Variants in SASH1 observed in about 807,000 individuals in gnomAD.
The protein encoded by SASH1 is SAM and SH3 domain-containing protein 1.
In SASH1, 44 loss-of-function variants were observed where a neutral mutation model predicts 125.2. The observed-to-expected ratio is 0.35, with a 90% CI of 0.28 to 0.45. The LOEUF is 0.45. Ranked by LOEUF, SASH1 falls within the 20% of genes least tolerant of loss-of-function variation. The pLI, the probability that SASH1 is intolerant of heterozygous loss-of-function variation, is 1.00. For synonymous variants in SASH1, 639 were observed against 649.1 expected, an observed-to-expected ratio of 0.98 and a Z score of 0.24; for missense variants, 1,426 against 1,614.5, an observed-to-expected ratio of 0.88 and a Z score of 2.00.
In SASH1 at chr6:148,548,656, A is replaced by G; in HGVS notation, c.*98A>G. The G allele has an allele frequency of 7.1e-7, 1 of 1,404,522 alleles. No homozygotes were observed. The highest frequency in any genetic ancestry group is 9.6e-7 in the Non-Finnish European group (1 of 1,044,460). 87.0% of individuals were successfully genotyped at this position (1,404,522 alleles called of 1,614,324 possible). A position where few individuals can be genotyped will look rare whatever the true frequency, so the allele number is the denominator to read the frequency against. ...CATCATCTCTGGACGTGCAGACCAG[A>G]TCCAGAAGAAAGGCCTGGCGTGTGG... is the stretch of plus-strand genomic sequence containing the variant. On this transcript the variant is annotated 3_prime_UTR_variant, in exon 20 of 20. Transcript: ENST00000367467.
At chr6:148,221,722 G>A in the SASH1 span, among the ~76,000 whole-genome samples, 3 of 152,118 alleles carry the variant, frequency 2.0e-5, no homozygotes, top group Non-Finnish European at 4.4e-5. Context: ...GGTGAGCTGC[G>A]GTGGTTGTGA....
chr6:148,353,095 G>T (rs1328781086), intron 1 of SASH1, among the ~76,000 whole-genome samples: 5 of 151,728 alleles, frequency 3.3e-5, no homozygotes, highest in Non-Finnish European at 7.4e-5. Flanking sequence ...CAGAGGCAGG[G>T]TCTCCCTGTG....
At chr6:148,195,663 G>A in the SASH1 span, among the ~76,000 whole-genome samples, 1 of 152,202 alleles carries the variant, frequency 6.6e-6, no homozygotes, top group African/African-American at 2.4e-5. Context: ...TCCCGTGAGA[G>A]AGCTAAGTCA....
intron 1 of SASH1, among the ~76,000 whole-genome samples, chr6:148,387,644 C>CT (rs766450836): frequency 2.0e-4 from 9 of 44,450 alleles, no homozygotes; most frequent in South Asian, 1.8e-3. Context: ...TTCTTTCTTT[C>CT]TTTCTTTCTT....
At chr6:148,363,315 A>AT (rs959362209) in intron 1 of SASH1, among the ~76,000 whole-genome samples, 3 of 150,658 alleles carry the variant, frequency 2.0e-5, no homozygotes, top group African/African-American at 7.3e-5. Flanking sequence ...TTATTTATTT[A>AT]TTTTTTTGTA....
intron 1 of SASH1, among the ~76,000 whole-genome samples, chr6:148,334,249 C>T (rs1182680495): frequency 1.4e-5 from 2 of 142,836 alleles, no homozygotes; most frequent in African/African-American, 2.6e-5. Context: ...ACGGTGAAAC[C>T]CTGTCTCTAC....
Position 148,277,727 on chromosome 6 carries a change from T to C in SASH1, n.74+5350T>C, listed in dbSNP as rs189488827. Among the ~76,000 whole-genome samples the C allele has an allele frequency of 4.5e-3, 681 of 152,366 alleles. 4 individuals are homozygous for C. Among genetic ancestry groups the C allele is most frequent in the Non-Finnish European group, 7.3e-3 (498 of 68,026 alleles). On this transcript the variant is annotated intron_variant and non_coding_transcript_variant, in intron 1 of 3. Transcript: ENST00000367469. ...AAATATGCAGGGTTTTGTTTTGTTT[T>C]GTCTTTTGAGACAGAGTCTTGCTCT...
intron 9 of SASH1, among the ~76,000 whole-genome samples, chr6:148,515,391 T>G (rs1010557697): frequency 6.6e-6 from 1 of 152,240 alleles, no homozygotes; most frequent in African/African-American, 2.4e-5. Context: ...TCAAGCCATG[T>G]AAAGAAATGA....
At chr6:148,223,800 T>A in the SASH1 span, among the ~76,000 whole-genome samples, 22 of 152,300 alleles carry the variant, frequency 1.4e-4, no homozygotes, top group South Asian at 4.4e-3. Context: ...GATGTGTAGA[T>A]TTATCAATTA....
intron 4 of SASH1, among the ~76,000 whole-genome samples, chr6:148,459,683 A>G (rs1193942995): frequency 1.3e-5 from 2 of 152,114 alleles, no homozygotes; most frequent in East Asian, 3.9e-4. Flanking sequence ...CTTGGTTCAT[A>G]GGTAGGGTGG....
the SASH1 span, among the ~76,000 whole-genome samples, chr6:148,262,130 G>T: frequency 6.6e-6 from 1 of 152,030 alleles, no homozygotes; most frequent in South Asian, 2.1e-4. Flanking sequence ...GCACGGGCTT[G>T]CACGCATTTC....
chr6:148,216,744 T>C, the SASH1 span, among the ~76,000 whole-genome samples: 7 of 152,084 alleles, frequency 4.6e-5, no homozygotes, highest in Admixed American at 2.0e-4. Context: ...TTTTCTTTTT[T>C]TTTTGAGACA....
intron 1 of SASH1, among the ~76,000 whole-genome samples, chr6:148,282,967 C>A (rs902339110): frequency 4.6e-5 from 7 of 152,070 alleles, no homozygotes; most frequent in Non-Finnish European, 8.8e-5. Flanking sequence ...AAAGATGTAT[C>A]CAGAGAACGC....
chr6:148,439,946 A>G lies in SASH1; in HGVS notation c.286-238A>G, dbSNP rs182982149. The stretch of plus-strand genomic sequence containing the variant: ...AATTGTGCTTTTTTTCTTCTGAAAT[A>G]AAATTGTCAGCAGAGTCTGGCAACA... On this transcript the variant is annotated intron_variant, in intron 2 of 19. Transcript: ENST00000367467. 5.9e-5 allele frequency among the ~76,000 whole-genome samples: 9 copies of G among 151,900 alleles called. No individual in the cohort carries two copies. In the East Asian group the frequency reaches 1.7e-3, roughly 29 times the overall value.
chr6:148,459,263 T>G (rs890320261), intron 4 of SASH1, among the ~76,000 whole-genome samples: 8 of 152,064 alleles, frequency 5.3e-5, no homozygotes, highest in African/African-American at 1.9e-4. Flanking sequence ...ACTGAGGGGT[T>G]TTTGGAAACC....
At chr6:148,318,493 T>G (rs1424199424) in intron 1 of SASH1, among the ~76,000 whole-genome samples, 1 of 152,116 alleles carries the variant, frequency 6.6e-6, no homozygotes. Context: ...ACTGCAAACA[T>G]GGCCATAGAA....
chr6:148,538,365 G>A (rs558060186), intron 16 of SASH1, among the ~76,000 whole-genome samples: 1 of 152,234 alleles, frequency 6.6e-6, no homozygotes, highest in South Asian at 2.1e-4. Flanking sequence ...CCTCTCCCTG[G>A]GTTGTAATGG....
chr6:148,544,813 G>C lies in SASH1; in HGVS notation c.3343G>C (p.Asp1115His). 1 of 1,584,604 alleles carries C rather than the reference G, an allele frequency of 6.3e-7. No individual in the cohort carries two copies. The highest frequency in any genetic ancestry group is 8.6e-7 in the Non-Finnish European group (1 of 1,164,660). ...CGATCTCACGGAGGAGCCGTATTCT[G>C]ATAAGGTATCAAAGGTCCTGGGCCC... ...GIDLTEEPYS[D>H]KHGRCGIPEA... The change falls in exon 18 of 20, where the codon GAT (aspartate) becomes CAT (histidine). Residue 1115 changes from aspartate to histidine, a missense_variant. By Grantham distance (81) the Asp-to-His change is moderately conservative. Transcript: ENST00000367467. The surrounding 1 kb of genome is among the most constrained non-coding windows in gnomAD (Gnocchi z 6.4).
chr6:148,415,276 A>C (rs914661648), intron 2 of SASH1, among the ~76,000 whole-genome samples: 1 of 152,174 alleles, frequency 6.6e-6, no homozygotes, highest in Non-Finnish European at 1.5e-5. Context: ...GATTACTCTA[A>C]AGGGGCCTGG....
Sources: allele counts gnomAD v4.1 joint callset (sites outside exome capture counted in the v4.1 genomes callset), GRCh38; gene constraint gnomAD v4.1.1; non-coding constraint Gnocchi (gnomAD v3.1); transcripts MANE v1.5; gene names NCBI Gene and HGNC (gene_info 2026-07-23, HGNC 2026-07-21).